ATP10B: variants seen among roughly 807,000 people sequenced by gnomAD.
ATP10B encodes ATPase phospholipid transporting 10B (putative), also known as phospholipid-transporting ATPase VB.
A neutral mutation model predicts 141.2 loss-of-function variants in ATP10B; 122 were observed. The ratio of observed to expected loss-of-function variants is 0.86; its 90% CI spans 0.75 to 1.00. The LOEUF (loss-of-function observed/expected upper bound fraction) is 1.00. Among genes scored for constraint, ATP10B ranks in the 50% least tolerant of loss-of-function variants. The probability of loss-of-function intolerance (pLI) is 0.00; values close to 1 mark genes in which losing one functional copy is unlikely to be tolerated. For synonymous variants in ATP10B, 685 were observed against 692.0 expected, an observed-to-expected ratio of 0.99 and a Z score of 0.16; for missense variants, 1,876 against 1,825.3, an observed-to-expected ratio of 1.03 and a Z score of -0.51.
At chr5:160,877,001 C>A in the ATP10B span, among the ~76,000 whole-genome samples, 1 of 149,094 alleles carries the variant, frequency 6.7e-6, no homozygotes, top group Non-Finnish European at 1.5e-5. Context: ...TTCCAATCAA[C>A]AGAAAAAGAG....
Position 160,649,274 on chromosome 5 carries a change from CTG to C in ATP10B, c.676-20_676-19del, listed in dbSNP as rs752733493. On this transcript the variant is annotated intron_variant, in intron 7 of 25. Coordinates refer to ENST00000327245, the MANE Select transcript of ATP10B (RefSeq NM_025153.3). ...TGTACCTCCTGTGAGAGAGAGGACTCTGTGAGTTTATTAATTCAGAGGGATCT... is the reference window on the plus strand; with the variant it reads ...TGTACCTCCTGTGAGAGAGAGGACTCTGAGTTTATTAATTCAGAGGGATCT... 5.5e-5 allele frequency: 87 copies of C among 1,588,172 alleles called. No individual in the cohort carries two copies. In the Middle Eastern group the frequency reaches 6.6e-4, roughly 12 times the overall value.
chr5:160,767,335 C>A (rs1177533152), intron 2 of ATP10B, among the ~76,000 whole-genome samples: 2 of 152,024 alleles, frequency 1.3e-5, no homozygotes, highest in African/African-American at 4.8e-5. Context: ...CTGAATACTC[C>A]CAGTGTGTCA....
chr5:160,616,717 C>G (rs4921309), intron 16 of ATP10B, among the ~76,000 whole-genome samples: 118,916 of 152,186 alleles, frequency 0.78, 46,600 homozygotes, highest in East Asian at 0.84. Context: ...CAAATATTCC[C>G]TGAGTCCCTC....
chr5:160,901,432 A>G, the ATP10B span, among the ~76,000 whole-genome samples: 1 of 152,312 alleles, frequency 6.6e-6, no homozygotes, highest in East Asian at 1.9e-4. Context: ...AATTAAAAGT[A>G]GTTAGAATGC....
chr5:160,662,982 A>G lies in ATP10B; in HGVS notation c.675+7481T>C, dbSNP rs375901533. On this transcript the variant is annotated intron_variant, in intron 7 of 25. Coordinates refer to ENST00000327245, the MANE Select transcript of ATP10B (RefSeq NM_025153.3). ...CCCCATCAACAAGTGAGCGAAGGAT[A>G]TGAACAGACACTTCTCAAAAGAAGA... Among the ~76,000 whole-genome samples the G allele has an allele frequency of 2.4e-4, 37 of 152,374 alleles. 1 individual carries two copies. In the South Asian group the frequency reaches 7.5e-3, roughly 31 times the overall value.
the ATP10B span, among the ~76,000 whole-genome samples, chr5:160,896,284 G>T: frequency 6.6e-6 from 1 of 150,554 alleles, no homozygotes; most frequent in East Asian, 1.9e-4. Context: ...TTTTTGAAAA[G>T]ATTAACAAAA....
the ATP10B span, among the ~76,000 whole-genome samples, chr5:160,872,144 T>C: frequency 6.6e-6 from 1 of 152,224 alleles, no homozygotes; most frequent in Non-Finnish European, 1.5e-5. Context: ...TGGTTATTAA[T>C]GTTGAGCATT....
At chr5:160,619,315 A>G (rs1758189996) in intron 15 of ATP10B, among the ~76,000 whole-genome samples, 1 of 152,176 alleles carries the variant, frequency 6.6e-6, no homozygotes, top group Non-Finnish European at 1.5e-5. Context: ...CAATTCTTAT[A>G]GTAACATTGT....
chr5:160,748,787 A>G (rs1409567964), intron 2 of ATP10B, among the ~76,000 whole-genome samples: 2 of 152,206 alleles, frequency 1.3e-5, no homozygotes, highest in East Asian at 3.8e-4. Flanking sequence ...AGCCATAGTA[A>G]TTCATGCAAG....
Position 160,709,339 on chromosome 5 carries a change from T to C in ATP10B, c.-205+7570A>G, listed in dbSNP as rs2127769651. 1.3e-5 allele frequency among the ~76,000 whole-genome samples: 2 copies of C among 152,162 alleles called. 1 individual carries two copies. Among genetic ancestry groups the C allele is most frequent in the East Asian group, 3.9e-4 (2 of 5,176 alleles). Reference sequence around the variant, plus strand: ...AGGAGATGTTTGTAACATTATTAGATACACAAATTTGAAAAGGAAAAGATA... The same window carrying C: ...AGGAGATGTTTGTAACATTATTAGACACACAAATTTGAAAAGGAAAAGATA... On this transcript the variant is annotated intron_variant, in intron 3 of 25. Coordinates refer to ENST00000327245, the MANE Select transcript of ATP10B (RefSeq NM_025153.3).
At chr5:160,782,814 A>G (rs1292539069) in intron 2 of ATP10B, among the ~76,000 whole-genome samples, 1 of 152,062 alleles carries the variant, frequency 6.6e-6, no homozygotes, top group Non-Finnish European at 1.5e-5. Flanking sequence ...ACAAACTACA[A>G]AGGAAAGATA....
chr5:160,881,483 C>A, the ATP10B span, among the ~76,000 whole-genome samples: 1 of 152,088 alleles, frequency 6.6e-6, no homozygotes, highest in Admixed American at 6.5e-5. Flanking sequence ...ATACAAAAAC[C>A]GGCACACAGA....
At chr5:160,801,326 G>A (rs879620801) in intron 1 of ATP10B, among the ~76,000 whole-genome samples, 4 of 152,178 alleles carry the variant, frequency 2.6e-5, no homozygotes, top group African/African-American at 7.2e-5. Flanking sequence ...CATCTCTCAC[G>A]AAGTCCTCCA....
At chr5:160,868,096 A>T in the ATP10B span, among the ~76,000 whole-genome samples, 1 of 152,146 alleles carries the variant, frequency 6.6e-6, no homozygotes, top group Admixed American at 6.5e-5. Context: ...TGAGTTGTAC[A>T]GTTATGTCTG....
chr5:160,751,621 C>T (rs971501798), intron 2 of ATP10B, among the ~76,000 whole-genome samples: 18 of 152,216 alleles, frequency 1.2e-4, no homozygotes, highest in African/African-American at 4.3e-4. Context: ...TCATGCTCTT[C>T]CGGAGACTCT....
rs768798800 is a variant in ATP10B, at chr5:160,606,797, C to A, written c.3128G>T (p.Arg1043Leu). 7.4e-6 allele frequency: 12 copies of A among 1,614,034 alleles called. No homozygotes were observed. The South Asian group carries it at 1.2e-4, about 16-fold the overall frequency. ...AAGGGTCATGACGCGCAACTTGTCT[C>A]GCACCAGCTTGACTATCATACTCTT... is the stretch of plus-strand genomic sequence containing the variant. Reference protein sequence around the residue: ...LQKSMIVKLVRDKLRVMTLSI... With the variant: ...LQKSMIVKLVLDKLRVMTLSI... Residue 1043 changes from arginine to leucine, a missense_variant, in exon 19 of 26, where the codon CGA (arginine) becomes CTA (leucine). Coordinates refer to ENST00000327245, the MANE Select transcript of ATP10B (RefSeq NM_025153.3).
At position 160,688,906 on chromosome 5, in the gene ATP10B, G is replaced by A. The variant is rs1019967980; in HGVS notation, c.-167C>T. 23 of 985,348 alleles carry A rather than the reference G, an allele frequency of 2.3e-5. No individual in the cohort carries two copies. Among genetic ancestry groups the A allele is most frequent in the Middle Eastern group, 5.2e-4 (1 of 1,912 alleles). The allele number at this position is 985,348 out of a possible 1,614,324, so 61.0% of individuals were successfully genotyped here. On this transcript the variant is annotated 5_prime_UTR_variant, in exon 4 of 26. Coordinates refer to ENST00000327245, the MANE Select transcript of ATP10B (RefSeq NM_025153.3). ...CTAGATGGCTGGAGTTGGGGATAGG[G>A]GATCCCTTTTCTTTTTCTCCACTCC...
chr5:160,636,123 A>C, intron 11 of ATP10B, 59 bp downstream of exon 11: 1 of 1,510,438 alleles, frequency 6.6e-7, no homozygotes, highest in South Asian at 1.3e-5. Flanking sequence ...TATTTTACAA[A>C]GTTGTAGGAG....
intron 7 of ATP10B, among the ~76,000 whole-genome samples, chr5:160,660,961 C>T (rs976081592): frequency 1.6e-4 from 25 of 152,088 alleles, no homozygotes; most frequent in Admixed American, 1.6e-3. Flanking sequence ...CTGAGGTGGG[C>T]GGATCAACTG....
Sources: gnomAD v4.1 joint callset for allele counts (sites outside exome capture counted in the v4.1 genomes callset) on GRCh38, gnomAD v4.1.1 for gene constraint, MANE v1.5 for transcripts, NCBI Gene and HGNC (gene_info 2026-07-23, HGNC 2026-07-21) for gene names.